The following ATP8A1 variants were observed in gnomAD, a reference collection of about 807,000 sequenced individuals.
ATP8A1 encodes ATPase phospholipid transporting 8A1, also known as phospholipid-transporting ATPase IA.
ATP8A1 carries 90 observed loss-of-function variants against 177.7 expected under a neutral mutation model. That is an observed-to-expected ratio of 0.51 (90% CI 0.43 to 0.60). The LOEUF is 0.60. Among genes scored for constraint, ATP8A1 ranks in the 20% least tolerant of loss-of-function variants. ATP8A1 has a pLI of 0.00. For missense variants in ATP8A1, 1,072 were observed against 1,392.8 expected (o/e 0.77, Z 3.67); for synonymous variants, 493 against 485.9 (o/e 1.01, Z -0.19).
intron 24 of ATP8A1, among the ~76,000 whole-genome samples, chr4:42,499,419 A>T (rs1052281893): frequency 4.9e-4 from 74 of 152,304 alleles, no homozygotes; most frequent in African/African-American, 1.7e-3. Flanking sequence ...CAGATCCCAC[A>T]ACTCCTCACA....
At chr4:42,624,689 T>C (rs1004865228) in intron 3 of ATP8A1, 55 bp from the exon 4 acceptor site, 10 of 990,882 alleles carry the variant, frequency 1.0e-5, no homozygotes, top group Middle Eastern at 2.5e-4. Flanking sequence ...AAATTTATAA[T>C]AGATTCAAGA....
intron 22 of ATP8A1, among the ~76,000 whole-genome samples, chr4:42,514,110 C>T (rs1725279765): frequency 1.3e-5 from 2 of 152,172 alleles, no homozygotes; most frequent in African/African-American, 4.8e-5. Context: ...GGCTCATTTG[C>T]CTACTTCTGG....
intron 24 of ATP8A1, among the ~76,000 whole-genome samples, chr4:42,492,030 T>C (rs1722791005): frequency 6.6e-6 from 1 of 152,308 alleles, no homozygotes; most frequent in African/African-American, 2.4e-5. Flanking sequence ...CAGATCTTGC[T>C]CTGAGGCTGC....
chr4:42,636,982 G>A (rs75952787), intron 1 of ATP8A1, among the ~76,000 whole-genome samples: 3,811 of 152,244 alleles, frequency 0.025, 66 homozygotes, highest in South Asian at 0.061. Flanking sequence ...CCCGCTTAAA[G>A]GATATGCTCA....
intron 25 of ATP8A1, 72 bp from the exon 26 acceptor site, chr4:42,465,148 A>G: frequency 7.4e-7 from 1 of 1,352,708 alleles, no homozygotes; most frequent in Non-Finnish European, 1.0e-6. Flanking sequence ...GTGTTGAAGG[A>G]TAAAAGATGC....
chr4:42,550,310 T>C lies in ATP8A1; in HGVS notation c.1602+888A>G, dbSNP rs374073089. ...TCTTTTTTATTGTTTAGATGTTCCA[T>C]TGTGAGACTGTATCACAATTTGTTT... On this transcript the variant is annotated intron_variant, in intron 18 of 36. Transcript: ENST00000381668. Among the ~76,000 whole-genome samples, 94 of 152,298 alleles carry C rather than the reference T, an allele frequency of 6.2e-4. 1 individual carries two copies. In the South Asian group the frequency reaches 7.0e-3, roughly 11 times the overall value.
intron 4 of ATP8A1, among the ~76,000 whole-genome samples, chr4:42,622,545 T>C (rs1737583435): frequency 1.3e-5 from 2 of 151,604 alleles, no homozygotes; most frequent in African/African-American, 4.9e-5. Flanking sequence ...AATTGACAAA[T>C]TGGATCTAAT....
rs1734646724 is a variant in ATP8A1 at position 42,595,655 on chromosome 4, G to A, written c.451-4771C>T. Among the ~76,000 whole-genome samples, 3 of 152,196 alleles carry A rather than the reference G, an allele frequency of 2.0e-5. No homozygotes were observed. In the South Asian group the frequency reaches 6.2e-4, roughly 31 times the overall value. ...AAAGATAATAAAATGTAAATTCTCT[G>A]AAATCATGGCACTTAGAATGCATCC... On this transcript the variant is annotated intron_variant, in intron 6 of 36. Coordinates refer to ENST00000381668, the MANE Select transcript of ATP8A1 (RefSeq NM_006095.2).
At position 42,410,519 on chromosome 4, in the gene ATP8A1, C is replaced by A. The variant is rs905636799; in HGVS notation, c.*2397G>T. The A allele has an allele frequency of 6.6e-6, 1 of 152,284 alleles. No homozygotes were observed. The highest frequency in any genetic ancestry group is 1.5e-5 in the Non-Finnish European group (1 of 68,020). 9.4% of individuals were successfully genotyped at this position (152,284 alleles called of 1,614,324 possible). On this transcript the variant is annotated 3_prime_UTR_variant, in exon 37 of 37. Coordinates refer to ENST00000381668, the MANE Select transcript of ATP8A1 (RefSeq NM_006095.2). ...TCAGACTATTTTCTCTAATTTAACA[C>A]TGTAAAGTCACTGCAATTGCAATGT...
chr4:42,651,068 G>A (rs1741043567), intron 1 of ATP8A1, among the ~76,000 whole-genome samples: 1 of 152,162 alleles, frequency 6.6e-6, no homozygotes, highest in African/African-American at 2.4e-5. Flanking sequence ...CACAAGATCT[G>A]ATAGTTTTAT....
At chr4:42,653,668 A>T (rs1235139839) in intron 1 of ATP8A1, among the ~76,000 whole-genome samples, 2 of 152,160 alleles carry the variant, frequency 1.3e-5, no homozygotes, top group Admixed American at 6.5e-5. Context: ...GTGGCCCCCA[A>T]CTGGCCCTGT....
intron 33 of ATP8A1, among the ~76,000 whole-genome samples, chr4:42,433,856 TAA>T (rs35018755): frequency 1.1e-4 from 15 of 139,418 alleles, no homozygotes; most frequent in African/African-American, 3.7e-4. Flanking sequence ...AAGAGAGTAA[TAA>T]AAAAAAAAAA....
intron 25 of ATP8A1, among the ~76,000 whole-genome samples, chr4:42,472,707 G>A (rs1285770879): frequency 1.4e-5 from 2 of 143,946 alleles, no homozygotes; most frequent in Non-Finnish European, 3.0e-5. Context: ...CTGAGATCGC[G>A]CCATCGCACT....
intron 22 of ATP8A1, among the ~76,000 whole-genome samples, chr4:42,519,047 A>C (rs1446844084): frequency 6.6e-6 from 1 of 152,206 alleles, no homozygotes; most frequent in African/African-American, 2.4e-5. Flanking sequence ...AACACTTCAG[A>C]AAAACAGCTT....
intron 1 of ATP8A1, among the ~76,000 whole-genome samples, chr4:42,647,396 T>A (rs1740644092): frequency 6.6e-6 from 1 of 152,090 alleles, no homozygotes; most frequent in South Asian, 2.1e-4. Context: ...CATGAAATAG[T>A]ACAAATTGAG....
At chr4:42,413,375 T>A (rs1353170661) in intron 36 of ATP8A1, among the ~76,000 whole-genome samples, 1 of 152,090 alleles carries the variant, frequency 6.6e-6, no homozygotes, top group Admixed American at 6.5e-5. Flanking sequence ...TATTTCCACA[T>A]AGGTCAGGTG....
At chr4:42,566,194 T>C (rs975398280) in intron 15 of ATP8A1, among the ~76,000 whole-genome samples, 2 of 152,234 alleles carry the variant, frequency 1.3e-5, no homozygotes, top group African/African-American at 4.8e-5. Flanking sequence ...GTAATCTACA[T>C]ATATCTAAGA....
At chr4:42,491,686 AG>A (rs1722758837) in intron 24 of ATP8A1, among the ~76,000 whole-genome samples, 4 of 152,206 alleles carry the variant, frequency 2.6e-5, no homozygotes. Context: ...GCTTGGAACA[AG>A]CTAACGAACC....
intron 5 of ATP8A1, among the ~76,000 whole-genome samples, chr4:42,606,602 G>A (rs1045831969): frequency 2.0e-5 from 3 of 152,182 alleles, no homozygotes; most frequent in Non-Finnish European, 2.9e-5. Flanking sequence ...CTTAGGCAGT[G>A]TTCAGCATCA....
Sources: allele counts gnomAD v4.1 joint callset (sites outside exome capture counted in the v4.1 genomes callset), GRCh38; gene constraint gnomAD v4.1.1; transcripts MANE v1.5; gene names NCBI Gene and HGNC (gene_info 2026-07-23, HGNC 2026-07-21).